TP53BP1: variants seen among roughly 807,000 people sequenced by gnomAD.
TP53BP1 encodes the protein TP53-binding protein 1.
TP53BP1 carries 61 observed loss-of-function variants against 200.8 expected under a neutral mutation model. The observed-to-expected ratio is 0.30, with a 90% CI of 0.25 to 0.38. TP53BP1 has a LOEUF of 0.38. TP53BP1 is among the 10% of genes least tolerant of loss of function. The pLI is 1.00. For synonymous variants in TP53BP1, 822 were observed against 844.3 expected, an observed-to-expected ratio of 0.97 and a Z score of 0.46; for missense variants, 2,144 against 2,371.9, an observed-to-expected ratio of 0.90 and a Z score of 2.00.
intron 7 of TP53BP1, among the ~76,000 whole-genome samples, chr15:43,478,332 T>A (rs2078913607): frequency 6.6e-6 from 1 of 152,160 alleles, no homozygotes; most frequent in African/African-American, 2.4e-5. Flanking sequence ...CTCCCCAGGG[T>A]AAACAGAATA....
In TP53BP1 at chr15:43,407,516, G is replaced by A. The variant is rs1423123951; in HGVS notation, c.5801C>T (p.Ser1934Leu). 7.4e-6 allele frequency: 12 copies of A among 1,614,030 alleles called. No homozygotes were observed. Among genetic ancestry groups the A allele is most frequent in the African/African-American group, 5.3e-5 (4 of 74,936 alleles). The stretch of plus-strand genomic sequence containing the variant: ...CAATGCTTCAGCACACTTCAGCACC[G>A]AGGCTGGGCATGAGGGGTCCGTCAC... ...VVVTDPSCPA[S>L]VLKCAEALQL... The change falls in exon 28 of 28, where the codon TCG becomes TTG. Residue 1934 changes from serine to leucine, a missense_variant. Transcript: ENST00000382044.
chr15:43,446,495 C>T lies in TP53BP1; in HGVS notation c.2932G>A (p.Gly978Arg), dbSNP rs1408685054. The change falls in exon 14 of 28, where the codon GGG becomes AGG. Residue 978 changes from glycine to arginine, a missense_variant. Coordinates refer to ENST00000382044, the MANE Select transcript of TP53BP1 (RefSeq NM_001141980.3). ...THDPILGSGK[G>R]DSGAAPDVDD... ...ACGTCTGGGGCAGCCCCAGAATCCC[C>T]TTTTCCACTCCCAAGTATGGGATCA... is the stretch of plus-strand genomic sequence containing the variant. The T allele has an allele frequency of 3.7e-6, 6 of 1,614,172 alleles. No individual in the cohort carries two copies. Among genetic ancestry groups the T allele is most frequent in the East Asian group, 2.2e-5 (1 of 44,878 alleles).
At chr15:43,444,199 C>T (rs1435221967) in intron 14 of TP53BP1, among the ~76,000 whole-genome samples, 5 of 152,184 alleles carry the variant, frequency 3.3e-5, no homozygotes, top group Non-Finnish European at 7.3e-5. Context: ...TAACACTTCG[C>T]TAGTTGTAAT....
rs976572941 is a variant in TP53BP1, at chr15:43,407,210, C to T, written c.*173G>A. 23 of 600,916 alleles carry T rather than the reference C, an allele frequency of 3.8e-5. No homozygotes were observed. The highest frequency in any genetic ancestry group is 3.0e-4 in the African/African-American group (16 of 53,914). The allele number at this position is 600,916 out of a possible 1,614,324, so 37.2% of individuals were successfully genotyped here. A position where few individuals can be genotyped will look rare whatever the true frequency, so the allele number is the denominator to read the frequency against. On this transcript the variant is annotated 3_prime_UTR_variant, in exon 28 of 28. Transcript: ENST00000382044. ...GCTCAAAAAAACAGATGAAGAAATC[C>T]CAGTTACTACAACCAAAGAGATTCA...
At chr15:43,430,688 T>C (rs1382512986) in intron 17 of TP53BP1, among the ~76,000 whole-genome samples, 1 of 152,178 alleles carries the variant, frequency 6.6e-6, no homozygotes, top group Non-Finnish European at 1.5e-5. Flanking sequence ...AGTGGATGCC[T>C]GAAACTGCAG....
intron 1 of TP53BP1, among the ~76,000 whole-genome samples, chr15:43,509,143 G>C (rs1454951685): frequency 8.1e-6 from 1 of 123,320 alleles, no homozygotes; most frequent in Admixed American, 1.1e-4. Flanking sequence ...AGAAGAGGAG[G>C]CCTGTAAATC....
At position 43,403,803 on chromosome 15, in the gene TP53BP1, C is replaced by A; in HGVS notation, c.*3580G>T. 6.2e-7 allele frequency: 1 copy of A among 1,607,522 alleles called. No individual in the cohort carries two copies. Among genetic ancestry groups the A allele is most frequent in the Non-Finnish European group, 8.5e-7 (1 of 1,174,168 alleles). On this transcript the variant is annotated 3_prime_UTR_variant, in exon 28 of 28. Coordinates refer to ENST00000382044, the MANE Select transcript of TP53BP1 (RefSeq NM_001141980.3). Reference sequence around the variant, plus strand: ...CCAGCTGAGCATTCTCGTGAAGGTGCGTCTGCCTGGAAGTATGCAGCCTTG... The same window carrying A: ...CCAGCTGAGCATTCTCGTGAAGGTGAGTCTGCCTGGAAGTATGCAGCCTTG...
chr15:43,447,136 TAAG>T, intron 13 of TP53BP1: 1 of 521,436 alleles, frequency 1.9e-6, no homozygotes, highest in Non-Finnish European at 3.4e-6. Flanking sequence ...AAAATTCTTT[TAAG>T]TATTCTCTTT....
chr15:43,468,847 T>G (rs2046652531), intron 11 of TP53BP1, among the ~76,000 whole-genome samples: 1 of 152,246 alleles, frequency 6.6e-6, no homozygotes, highest in African/African-American at 2.4e-5. Flanking sequence ...GTTCTGACTC[T>G]AGAGTCCTCA....
Position 43,454,915 on chromosome 15 carries a change from G to C in TP53BP1, c.2716+977C>G, listed in dbSNP as rs148613706. Among the ~76,000 whole-genome samples the C allele has an allele frequency of 2.6e-5, 4 of 151,810 alleles. No homozygotes were observed. The East Asian group carries it at 7.8e-4, about 30-fold the overall frequency. On this transcript the variant is annotated intron_variant, in intron 12 of 27. Transcript: ENST00000382044. ...CTGGCTAATTTTTTGTATTTTAGTG[G>C]AGATGGGTTTCACCATGTTAGCCAG...
chr15:43,442,108 CAG>C (rs1438735698), intron 14 of TP53BP1, among the ~76,000 whole-genome samples: 10 of 130,342 alleles, frequency 7.7e-5, no homozygotes, highest in South Asian at 5.1e-4. Context: ...TTTTTTGAGA[CAG>C]AGTCTCACTC....
At chr15:43,443,310 T>C (rs1566936793) in intron 14 of TP53BP1, among the ~76,000 whole-genome samples, 1 of 152,166 alleles carries the variant, frequency 6.6e-6, no homozygotes, top group African/African-American at 2.4e-5. Flanking sequence ...TATTTTAGGT[T>C]GATGAACTAA....
At chr15:43,487,622 G>C (rs942293195) in intron 4 of TP53BP1, among the ~76,000 whole-genome samples, 2 of 151,826 alleles carry the variant, frequency 1.3e-5, no homozygotes, top group African/African-American at 4.8e-5. Flanking sequence ...GTGAAATCCC[G>C]CCTCTACTAA....
At chr15:43,484,855 A>G (rs1235508583) in intron 4 of TP53BP1, among the ~76,000 whole-genome samples, 1 of 151,682 alleles carries the variant, frequency 6.6e-6, no homozygotes, top group African/African-American at 2.4e-5. Context: ...GGCTCAAGCG[A>G]TCCTCCCACC....
intron 12 of TP53BP1, among the ~76,000 whole-genome samples, chr15:43,448,682 G>C (rs537610783): frequency 6.6e-6 from 1 of 152,078 alleles, no homozygotes; most frequent in East Asian, 1.9e-4. Context: ...TGGGACTACA[G>C]GCGCCCTCCA....
At chr15:43,439,084 G>A (rs981012098) in intron 15 of TP53BP1, among the ~76,000 whole-genome samples, 1 of 152,038 alleles carries the variant, frequency 6.6e-6, no homozygotes, top group African/African-American at 2.4e-5. Context: ...AATCAAGACT[G>A]GCCATAAGAA....
intron 3 of TP53BP1, 39 bp downstream of exon 3, chr15:43,491,962 CA>C: frequency 6.6e-7 from 1 of 1,512,062 alleles, no homozygotes; most frequent in Non-Finnish European, 9.2e-7. Context: ...CAAGAGCACC[CA>C]AAAAATGCAA....
rs748110725 is a variant in TP53BP1 at position 43,405,185 on chromosome 15, C to G, written c.*2198G>C. ...GGAAAGCATGACACTTAATAAGGCT[C>G]TTTTTCTCTTTTGTAGTTTCGGGAT... is the stretch of plus-strand genomic sequence containing the variant. On this transcript the variant is annotated 3_prime_UTR_variant, in exon 28 of 28. Coordinates refer to ENST00000382044, the MANE Select transcript of TP53BP1 (RefSeq NM_001141980.3). 5 of 1,613,924 alleles carry G rather than the reference C, an allele frequency of 3.1e-6. No individual in the cohort carries two copies. Among genetic ancestry groups the G allele is most frequent in the Non-Finnish European group, 4.2e-6 (5 of 1,179,964 alleles).
chr15:43,468,682 T>G (rs1309009656), intron 11 of TP53BP1, among the ~76,000 whole-genome samples: 1 of 152,004 alleles, frequency 6.6e-6, no homozygotes, highest in Non-Finnish European at 1.5e-5. Context: ...AAGGCACTAG[T>G]CTAAGCATTT....
Sources: allele counts gnomAD v4.1 joint callset (sites outside exome capture counted in the v4.1 genomes callset), GRCh38; gene constraint gnomAD v4.1.1; transcripts MANE v1.5; gene names NCBI Gene and HGNC (gene_info 2026-07-23, HGNC 2026-07-21).